RGS14: variants seen among roughly 807,000 people sequenced by gnomAD.
RGS14 encodes regulator of G protein signaling 14, also known as regulator of G-protein signaling 14.
In RGS14, 33 loss-of-function variants were observed where a neutral mutation model predicts 63.8. That is an observed-to-expected ratio of 0.52 (90% CI 0.39 to 0.69). The LOEUF (loss-of-function observed/expected upper bound fraction) is 0.69, where lower values mean the gene tolerates loss of function less well. Among genes scored for constraint, RGS14 ranks in the 30% least tolerant of loss-of-function variants. RGS14 has a pLI of 0.00. For synonymous variants in RGS14, 296 were observed against 320.9 expected, an observed-to-expected ratio of 0.92 and a Z score of 0.83; for missense variants, 739 against 742.9, an observed-to-expected ratio of 0.99 and a Z score of 0.06.
chr5:177,370,902 C>G lies in RGS14; in HGVS notation c.1128-3C>G, dbSNP rs1762226838. 4 of 1,602,844 alleles carry G rather than the reference C, an allele frequency of 2.5e-6. No individual in the cohort carries two copies. The highest frequency in any genetic ancestry group is 3.4e-6 in the Non-Finnish European group (4 of 1,179,112). ...CCCTCTGCTGCCCGAGGGTTCCTCG[C>G]AGGCTGGAGCTGACGGCGCTGGAGC... On this transcript the variant is annotated splice_region_variant and splice_polypyrimidine_tract_variant and intron_variant, in intron 10 of 14. Transcript: ENST00000408923.
chr5:177,368,031 C>T (rs1364300151), intron 7 of RGS14, 126 bp from the exon 8 acceptor site: 7 of 1,479,732 alleles, frequency 4.7e-6, no homozygotes, highest in Non-Finnish European at 2.7e-6. Context: ...TGGTGTCGCT[C>T]CCAGGGATTT....
Position 177,371,593 on chromosome 5 carries a change from C to G in RGS14, c.1498+4C>G. The G allele has an allele frequency of 6.2e-7, 1 of 1,611,486 alleles. No individual in the cohort carries two copies. Among genetic ancestry groups the G allele is most frequent in the Non-Finnish European group, 8.5e-7 (1 of 1,177,638 alleles). On this transcript the variant is annotated splice_donor_region_variant and intron_variant, in intron 14 of 14. Transcript: ENST00000408923. This position sits in a 1 kb window ranked among gnomAD's most constrained non-coding sequence, Gnocchi z 6.1. ...CGGCAGACCTGTGACATCGAAGGTA[C>G]ATGGTGGATGAGCTGGGGATCAGAA... is the stretch of plus-strand genomic sequence containing the variant.
Position 177,361,524 on chromosome 5 carries a change from C to G in RGS14, c.45+3455C>G, listed in dbSNP as rs113282940. Among the ~76,000 whole-genome samples the G allele has an allele frequency of 8.1e-3, 1,234 of 152,236 alleles. 21 individuals carry two copies. The highest frequency in any genetic ancestry group is 0.028 in the African/African-American group (1,181 of 41,522). The stretch of plus-strand genomic sequence containing the variant: ...TCAGCTTGGGTAGAGGGTGGGGAGG[C>G]CTCAGGCTCCAGAATCAGGCAAACT... On this transcript the variant is annotated intron_variant, in intron 1 of 14. Coordinates refer to ENST00000408923, the MANE Select transcript of RGS14 (RefSeq NM_006480.5).
rs746088221 is a variant in RGS14 at position 177,371,080 on chromosome 5, CG to C, written c.1254+53del. On this transcript the variant is annotated intron_variant, in intron 11 of 14. Coordinates refer to ENST00000408923, the MANE Select transcript of RGS14 (RefSeq NM_006480.5). The surrounding 1 kb of genome is among the most constrained non-coding windows in gnomAD (Gnocchi z 6.1). The stretch of plus-strand genomic sequence containing the variant: ...GGGCGGGGCGGGGCCGGGCCGGGGC[CG>C]GGGCCGGGGCCGGGGCCGGGGCCGG... The C allele has an allele frequency of 0.023, 5,255 of 224,934 alleles. 518 individuals carry two copies. The African/African-American group carries it at 0.3, about 13-fold the overall frequency. The allele number at this position is 224,934 out of a possible 1,614,324, so 13.9% of individuals were successfully genotyped here. A position where few individuals can be genotyped will look rare whatever the true frequency, so the allele number is the denominator to read the frequency against.
chr5:177,361,932 G>A (rs1318289555), intron 1 of RGS14, among the ~76,000 whole-genome samples: 1 of 152,120 alleles, frequency 6.6e-6, no homozygotes, highest in Non-Finnish European at 1.5e-5. Context: ...GGCCAGCCCT[G>A]CTCAACACAA....
At chr5:177,363,367 G>C (rs907121834) in intron 1 of RGS14, among the ~76,000 whole-genome samples, 1 of 151,352 alleles carries the variant, frequency 6.6e-6, no homozygotes, top group Non-Finnish European at 1.5e-5. Flanking sequence ...CGCCCAGCGC[G>C]CTCTGCACTA....
At chr5:177,362,882 G>A (rs1187377830) in intron 1 of RGS14, among the ~76,000 whole-genome samples, 2 of 152,180 alleles carry the variant, frequency 1.3e-5, no homozygotes, top group African/African-American at 2.4e-5. Flanking sequence ...ATAAACCTGT[G>A]AGGGCCAAAC....
intron 1 of RGS14, 128 bp from the exon 2 acceptor site, chr5:177,365,835 A>C: frequency 2.1e-6 from 2 of 930,588 alleles, no homozygotes; most frequent in South Asian, 1.3e-5. Flanking sequence ...ACCCTGACCA[A>C]GTAGAACCTG....
chr5:177,371,069 C>CCGGGCCGGGGCCGGGGCCG lies in RGS14; in HGVS notation c.1254+38_1254+39insCGGGCCGGGGCCGGGGCCG, dbSNP rs1762240757. 13 of 552,528 alleles carry CCGGGCCGGGGCCGGGGCCG rather than the reference C, an allele frequency of 2.4e-5. No individual in the cohort carries two copies. Among genetic ancestry groups the CCGGGCCGGGGCCGGGGCCG allele is most frequent in the South Asian group, 2.1e-4 (3 of 14,256 alleles). 34.2% of individuals were successfully genotyped at this position (552,528 alleles called of 1,614,324 possible). ...GCCGCGGGGCGGGGCGGGGCGGGGC[C>CCGGGCCGGGGCCGGGGCCG]GGGCCGGGGCCGGGGCCGGGGCCGG... On this transcript the variant is annotated intron_variant, in intron 11 of 14. Coordinates refer to ENST00000408923, the MANE Select transcript of RGS14 (RefSeq NM_006480.5). This position sits in a 1 kb window ranked among gnomAD's most constrained non-coding sequence, Gnocchi z 6.1.
At chr5:177,370,858 C>CG (rs748948617) in intron 10 of RGS14, 47 bp from the exon 11 acceptor site, 12 of 1,532,976 alleles carry the variant, frequency 7.8e-6, no homozygotes, top group South Asian at 2.5e-5. Flanking sequence ...AAGGGTTTGG[C>CG]GGGGGGCCGG....
intron 1 of RGS14, among the ~76,000 whole-genome samples, chr5:177,365,196 G>A (rs1048429535): frequency 1.3e-5 from 2 of 152,042 alleles, no homozygotes; most frequent in Non-Finnish European, 2.9e-5. Flanking sequence ...ATTTTTATTT[G>A]ATTTTCTTTT....
rs1460103758 is a variant in RGS14, at chr5:177,372,130, A to G, written c.*55A>G. 6.6e-7 allele frequency: 1 copy of G among 1,515,406 alleles called. No individual in the cohort carries two copies. The highest frequency in any genetic ancestry group is 9.1e-7 in the Non-Finnish European group (1 of 1,100,176). The allele number at this position is 1,515,406 out of a possible 1,614,324, so 93.9% of individuals were successfully genotyped here. A position where few individuals can be genotyped will look rare whatever the true frequency, so the allele number is the denominator to read the frequency against. On this transcript the variant is annotated 3_prime_UTR_variant, in exon 15 of 15. Transcript: ENST00000408923. The stretch of plus-strand genomic sequence containing the variant: ...TGGCACCCGGCGGGCCGAGCATGCC[A>G]TGGGTCCGCTCTGCATGCCCTGTCT...
Position 177,370,638 on chromosome 5 carries a change from G to A in RGS14, c.1101G>A (p.Val367=). ...QDCTVLADQE[V]RLENRITFEL... is the part of the protein sequence containing the mutation. ...GCACCGTGCTGGCGGATCAGGAAGT[G>A]CGGCTGGAAAACAGGATCACCTTCG... Residue 367 remains valine, a synonymous_variant, in exon 10 of 15, where the codon GTG becomes GTA. Coordinates refer to ENST00000408923, the MANE Select transcript of RGS14 (RefSeq NM_006480.5). 1 of 1,614,118 alleles carries A rather than the reference G, an allele frequency of 6.2e-7. No individual in the cohort carries two copies. Among genetic ancestry groups the A allele is most frequent in the Non-Finnish European group, 8.5e-7 (1 of 1,179,994 alleles).
At position 177,372,151 on chromosome 5, in the gene RGS14, T is replaced by C; in HGVS notation, c.*76T>C. 2 of 1,390,898 alleles carry C rather than the reference T, an allele frequency of 1.4e-6. No homozygotes were observed. The highest frequency in any genetic ancestry group is 2.0e-6 in the Non-Finnish European group (2 of 1,000,532). 86.2% of individuals were successfully genotyped at this position (1,390,898 alleles called of 1,614,324 possible). ...TGCCATGGGTCCGCTCTGCATGCCCTGTCTGTGCCATGAGTGTCCCTGGCC... is the reference window on the plus strand; with the variant it reads ...TGCCATGGGTCCGCTCTGCATGCCCCGTCTGTGCCATGAGTGTCCCTGGCC... On this transcript the variant is annotated 3_prime_UTR_variant, in exon 15 of 15. Transcript: ENST00000408923.
At chr5:177,365,694 T>C (rs1370318912) in intron 1 of RGS14, among the ~76,000 whole-genome samples, 2 of 152,196 alleles carry the variant, frequency 1.3e-5, no homozygotes, top group Non-Finnish European at 2.9e-5. Context: ...CACCATGCTA[T>C]GCACACCTGG....
chr5:177,367,926 T>A (rs868610914), intron 7 of RGS14, 101 bp downstream of exon 7: 7 of 1,441,150 alleles, frequency 4.9e-6, no homozygotes, highest in Non-Finnish European at 5.5e-6. Flanking sequence ...TCTGTAAGTC[T>A]GTGAAAATTG....
In RGS14 at chr5:177,362,770, CA is replaced by C. The variant is rs555727667; in HGVS notation, c.46-3192del. The stretch of plus-strand genomic sequence containing the variant: ...GGCAACCGCAACGTGCCTCCGGGGG[CA>C]GGGAAAGGGCCCGGGTTGGCACCGT... On this transcript the variant is annotated intron_variant, in intron 1 of 14. Transcript: ENST00000408923. 9.3e-5 allele frequency among the ~76,000 whole-genome samples: 14 copies of C among 150,356 alleles called. No homozygotes were observed. In the South Asian group the frequency reaches 2.7e-3, roughly 29 times the overall value.
intron 1 of RGS14, among the ~76,000 whole-genome samples, chr5:177,363,394 T>C (rs564503749): frequency 6.6e-6 from 1 of 150,460 alleles, no homozygotes; most frequent in South Asian, 2.2e-4. Flanking sequence ...TGCCCTCCAC[T>C]GCAACTTCTT....
At position 177,371,547 on chromosome 5, in the gene RGS14, C is replaced by T. The variant is rs757567382; in HGVS notation, c.1456C>T (p.Pro486Ser). 2 of 1,614,084 alleles carry T rather than the reference C, an allele frequency of 1.2e-6. No homozygotes were observed. Among genetic ancestry groups the T allele is most frequent in the Non-Finnish European group, 1.7e-6 (2 of 1,180,010 alleles). ...GTCCCCCAGTTCTCTGGTGAAGGTG[C>T]CCAGTAGTGCCACTGGAAAGCGGCA... ...PASPSSLVKVPSSATGKRQTC... is the reference protein window; with the variant it reads ...PASPSSLVKVSSSATGKRQTC... Residue 486 changes from proline to serine, a missense_variant, in exon 14 of 15, where the codon CCC becomes TCC. By Grantham distance (74) the Pro-to-Ser change is moderately conservative. Coordinates refer to ENST00000408923, the MANE Select transcript of RGS14 (RefSeq NM_006480.5). The surrounding 1 kb of genome is among the most constrained non-coding windows in gnomAD (Gnocchi z 6.1).
Sources: gnomAD v4.1 joint callset for allele counts (sites outside exome capture counted in the v4.1 genomes callset) on GRCh38, gnomAD v4.1.1 for gene constraint, Gnocchi (gnomAD v3.1) non-coding constraint, MANE v1.5 for transcripts, NCBI Gene and HGNC (gene_info 2026-07-23, HGNC 2026-07-21) for gene names.